The following IL2RA variants were observed in gnomAD, a reference collection of about 807,000 sequenced individuals.
IL2RA encodes interleukin-2 receptor subunit alpha.
IL2RA carries 24 observed loss-of-function variants against 37.8 expected under a neutral mutation model. That is an observed-to-expected ratio of 0.63 (90% CI 0.46 to 0.89). The LOEUF is 0.89. IL2RA is among the 40% of genes least tolerant of loss of function. The pLI, the probability that IL2RA is intolerant of heterozygous loss-of-function variation, is 0.00. For missense variants in IL2RA, 319 were observed against 348.6 expected (o/e 0.92, Z 0.68); for synonymous variants, 125 against 114.6 (o/e 1.09, Z -0.58).
rs935221910 is a variant in IL2RA at position 6,057,083 on chromosome 10, G to A, written c.64+5005C>T. On this transcript the variant is annotated intron_variant, in intron 1 of 7. Transcript: ENST00000379959. The surrounding 1 kb of genome is among the most constrained non-coding windows in gnomAD (Gnocchi z 4.8). The stretch of plus-strand genomic sequence containing the variant: ...ATGCTCAGTAGATCTTACCACATAT[G>A]ACTTGTGTTACCATGACTATATCTA... 6.6e-6 allele frequency among the ~76,000 whole-genome samples: 1 copy of A among 152,150 alleles called. No individual in the cohort carries two copies. The highest frequency in any genetic ancestry group is 1.5e-5 in the Non-Finnish European group (1 of 68,036).
In IL2RA at chr10:6,056,739, G is replaced by A. The variant is rs1278177179; in HGVS notation, c.64+5349C>T. The stretch of plus-strand genomic sequence containing the variant: ...ACTGTGCTCTAGCCTGGGCGACAGA[G>A]CGAAACTGTCCAAAAAAAAAAAAGA... On this transcript the variant is annotated intron_variant, in intron 1 of 7. Transcript: ENST00000379959. The surrounding 1 kb of genome is among the most constrained non-coding windows in gnomAD (Gnocchi z 5.0). 1.3e-5 allele frequency among the ~76,000 whole-genome samples: 2 copies of A among 151,560 alleles called. No individual in the cohort carries two copies. The highest frequency in any genetic ancestry group is 2.9e-5 in the Non-Finnish European group (2 of 67,932).
chr10:6,018,098 A>G lies in IL2RA; in HGVS notation c.749T>C (p.Leu250Pro), dbSNP rs1564540874. ...QVAVAGCVFLLISVLLLSGLT... is the reference protein window; with the variant it reads ...QVAVAGCVFLPISVLLLSGLT... ...CCCACTCAGGAGGAGGACGCTGATCAGCAGGAAAACACAGCCGGCCACTGT... is the reference window on the plus strand; with the variant it reads ...CCCACTCAGGAGGAGGACGCTGATCGGCAGGAAAACACAGCCGGCCACTGT... The change falls in exon 7 of 8, where the codon CTG becomes CCG. Residue 250 changes from leucine to proline, a missense_variant. Leu to Pro is a moderately conservative substitution (Grantham distance 98). Transcript: ENST00000379959. The surrounding 1 kb of genome is among the most constrained non-coding windows in gnomAD (Gnocchi z 5.1). 1 of 1,613,938 alleles carries G rather than the reference A, an allele frequency of 6.2e-7. No homozygotes were observed. The highest frequency in any genetic ancestry group is 8.5e-7 in the Non-Finnish European group (1 of 1,179,950).
intron 1 of IL2RA, among the ~76,000 whole-genome samples, chr10:6,030,787 T>C (rs1410984668): frequency 6.6e-6 from 1 of 152,210 alleles, no homozygotes; most frequent in Non-Finnish European, 1.5e-5. Flanking sequence ...AATAATAATA[T>C]GGTATGGTGG....
At position 6,020,730 on chromosome 10, in the gene IL2RA, A is replaced by C. The variant is rs1243060097; in HGVS notation, c.583+748T>G. On this transcript the variant is annotated intron_variant, in intron 4 of 7. Transcript: ENST00000379959. The surrounding 1 kb of genome is among the most constrained non-coding windows in gnomAD (Gnocchi z 5.6). The stretch of plus-strand genomic sequence containing the variant: ...GTATTTTTAGTAGAGACGGGGTTTC[A>C]CCATGTTGGCCAGGCTGGTCTCGAA... 6.6e-6 allele frequency among the ~76,000 whole-genome samples: 1 copy of C among 152,054 alleles called. No homozygotes were observed. The highest frequency in any genetic ancestry group is 1.5e-5 in the Non-Finnish European group (1 of 68,022).
chr10:6,052,706 A>G (rs1839985131), intron 1 of IL2RA, among the ~76,000 whole-genome samples: 1 of 152,200 alleles, frequency 6.6e-6, no homozygotes, highest in Non-Finnish European at 1.5e-5. Flanking sequence ...CTGAGAGTAC[A>G]GAAAGCAGCG....
rs1219184890 is a variant in IL2RA, at chr10:6,021,542, C to G, written c.519G>C (p.Gly173=). 6.2e-7 allele frequency: 1 copy of G among 1,614,134 alleles called. No individual in the cohort carries two copies. The highest frequency in any genetic ancestry group is 8.5e-7 in the Non-Finnish European group (1 of 1,180,028). The change falls in exon 4 of 8, where the codon GGG becomes GGC. Residue 173 remains glycine, a synonymous_variant. Coordinates refer to ENST00000379959, the MANE Select transcript of IL2RA (RefSeq NM_000417.3). This position sits in a 1 kb window ranked among gnomAD's most constrained non-coding sequence, Gnocchi z 4.9. Reference sequence around the variant, plus strand: ...GCTGGGGCTGGGTCCACCTTGTCTTCCCGTGGGTCATTTTGCAGACGCTCT... The same window carrying G: ...GCTGGGGCTGGGTCCACCTTGTCTTGCCGTGGGTCATTTTGCAGACGCTCT... The part of the protein sequence containing the change: ...PAESVCKMTH[G]KTRWTQPQLI...
In IL2RA at chr10:6,022,378, C is replaced by T. The variant is rs1474592672; in HGVS notation, c.368-685G>A. Among the ~76,000 whole-genome samples, 2 of 152,238 alleles carry T rather than the reference C, an allele frequency of 1.3e-5. No homozygotes were observed. Among genetic ancestry groups the T allele is most frequent in the Non-Finnish European group, 2.9e-5 (2 of 68,050 alleles). ...CCAGAACTTTCCACTCACCCAACTA[C>T]ATCCCAGGCCTGACGGACCTGTGGC... On this transcript the variant is annotated intron_variant, in intron 3 of 7. Transcript: ENST00000379959. The surrounding 1 kb of genome is among the most constrained non-coding windows in gnomAD (Gnocchi z 4.7).
At chr10:6,052,510 G>A (rs535536605) in intron 1 of IL2RA, among the ~76,000 whole-genome samples, 1 of 152,276 alleles carries the variant, frequency 6.6e-6, no homozygotes, top group Admixed American at 6.5e-5. Context: ...ATAGCCGGAA[G>A]TCCTACCACA....
chr10:6,043,949 C>G (rs1329851676), intron 1 of IL2RA, among the ~76,000 whole-genome samples: 1 of 152,188 alleles, frequency 6.6e-6, no homozygotes, highest in Non-Finnish European at 1.5e-5. Context: ...AAAGCTTCTT[C>G]CAAAGGAAGT....
At chr10:6,059,430 G>A (rs550805995) in intron 1 of IL2RA, among the ~76,000 whole-genome samples, 63 of 152,266 alleles carry the variant, frequency 4.1e-4, no homozygotes, top group African/African-American at 1.5e-3. Context: ...GATTACAATA[G>A]GACACATATC....
chr10:6,031,966 A>G (rs10905644), intron 1 of IL2RA, among the ~76,000 whole-genome samples: 21,052 of 152,128 alleles, frequency 0.14, 2,224 homozygotes, highest in African/African-American at 0.28. Flanking sequence ...AAAACTATGG[A>G]AATCAAGGCA....
In IL2RA at chr10:6,018,020, G is replaced by A. The variant is rs768687349; in HGVS notation, c.794+33C>T. 16 of 1,590,880 alleles carry A rather than the reference G, an allele frequency of 1.0e-5. No homozygotes were observed. The highest frequency in any genetic ancestry group is 1.7e-4 in the Middle Eastern group (1 of 6,022). On this transcript the variant is annotated intron_variant, in intron 7 of 7. Coordinates refer to ENST00000379959, the MANE Select transcript of IL2RA (RefSeq NM_000417.3). This position sits in a 1 kb window ranked among gnomAD's most constrained non-coding sequence, Gnocchi z 5.1. The stretch of plus-strand genomic sequence containing the variant: ...GGGGCTGGGTACAGGACTTTGATCT[G>A]ACCAAGGGCTGCCTTGGTGATGCCA...
chr10:6,016,843 G>A (rs1839288071), intron 7 of IL2RA, among the ~76,000 whole-genome samples: 1 of 152,158 alleles, frequency 6.6e-6, no homozygotes, highest in African/African-American at 2.4e-5. Context: ...AAAGTGCTGG[G>A]ATTACAGGCA....
At chr10:6,051,817 C>CTATATATATATA (rs61008683) in intron 1 of IL2RA, among the ~76,000 whole-genome samples, 1,798 of 33,626 alleles carry the variant, frequency 0.053, 334 homozygotes, top group South Asian at 0.16. Flanking sequence ...TCATGCCCAG[C>CTATATATATATA]TATATATATA....
rs531589570 is a variant in IL2RA, at chr10:6,048,790, G to A, written c.64+13298C>T. Among the ~76,000 whole-genome samples the A allele has an allele frequency of 1.4e-4, 21 of 152,320 alleles. No homozygotes were observed. The South Asian group carries it at 4.4e-3, about 32-fold the overall frequency. On this transcript the variant is annotated intron_variant, in intron 1 of 7. Coordinates refer to ENST00000379959, the MANE Select transcript of IL2RA (RefSeq NM_000417.3). This position sits in a 1 kb window ranked among gnomAD's most constrained non-coding sequence, Gnocchi z 5.3. Reference sequence around the variant, plus strand: ...CCAAAGTACAAGCCATGCCCTGACTGAGACCCCTCTGGGATGTTCTGTTCC... The same window carrying A: ...CCAAAGTACAAGCCATGCCCTGACTAAGACCCCTCTGGGATGTTCTGTTCC...
In IL2RA at chr10:6,033,861, G is replaced by T. The variant is rs1437309926; in HGVS notation, c.65-7836C>A. On this transcript the variant is annotated intron_variant, in intron 1 of 7. Transcript: ENST00000379959. The surrounding 1 kb of genome is among the most constrained non-coding windows in gnomAD (Gnocchi z 4.3). ...CACATTTGTCAAAACTCATCAAATT[G>T]TATGCCGCAGATCTATGCATTTCTT... is the stretch of plus-strand genomic sequence containing the variant. Among the ~76,000 whole-genome samples, 10 of 152,196 alleles carry T rather than the reference G, an allele frequency of 6.6e-5. No homozygotes were observed. Among genetic ancestry groups the T allele is most frequent in the Non-Finnish European group, 1.5e-4 (10 of 68,036 alleles).
In IL2RA at chr10:6,048,401, C is replaced by G. The variant is rs938409161; in HGVS notation, c.64+13687G>C. ...AAGAGTAGGTTCCAGGGAGGGAGGA[C>G]AGTTCTGGATGTGTAGACTGAGCAG... On this transcript the variant is annotated intron_variant, in intron 1 of 7. Coordinates refer to ENST00000379959, the MANE Select transcript of IL2RA (RefSeq NM_000417.3). The surrounding 1 kb of genome is among the most constrained non-coding windows in gnomAD (Gnocchi z 5.3). 6.6e-6 allele frequency among the ~76,000 whole-genome samples: 1 copy of G among 152,126 alleles called. No homozygotes were observed. The highest frequency in any genetic ancestry group is 1.5e-5 in the Non-Finnish European group (1 of 68,018).
intron 1 of IL2RA, among the ~76,000 whole-genome samples, chr10:6,038,152 T>C (rs899239765): frequency 1.3e-5 from 2 of 152,228 alleles, no homozygotes; most frequent in African/African-American, 4.8e-5. Context: ...AGCCTTGGAT[T>C]ACAACAGATC....
chr10:6,062,339 A>G lies in IL2RA; in HGVS notation c.-188T>C. 6.6e-6 allele frequency: 3 copies of G among 451,890 alleles called. No homozygotes were observed. Among genetic ancestry groups the G allele is most frequent in the African/African-American group, 2.2e-5 (1 of 46,112 alleles). 28.0% of individuals were successfully genotyped at this position (451,890 alleles called of 1,614,324 possible). On this transcript the variant is annotated 5_prime_UTR_variant, in exon 1 of 8. Coordinates refer to ENST00000379959, the MANE Select transcript of IL2RA (RefSeq NM_000417.3). ...GAGTCAGGAGTTGCTCTCTTTAAGT[A>G]TTGGGCTGGCGTGTTCAGCCAGGAA...
Sources: allele counts gnomAD v4.1 joint callset (sites outside exome capture counted in the v4.1 genomes callset), GRCh38; gene constraint gnomAD v4.1.1; non-coding constraint Gnocchi (gnomAD v3.1); transcripts MANE v1.5; gene names NCBI Gene and HGNC (gene_info 2026-07-23, HGNC 2026-07-21).